RANBP2: variants seen among roughly 807,000 people sequenced by gnomAD.
RANBP2 encodes RAN binding protein 2.
In RANBP2, 57 loss-of-function variants were observed where a neutral mutation model predicts 303.6. That is an observed-to-expected ratio of 0.19 (90% confidence interval 0.15 to 0.23). RANBP2 has a LOEUF of 0.23. Ranked by LOEUF, RANBP2 falls within the 10% of genes least tolerant of loss-of-function variation. RANBP2 has a pLI of 1.00. For synonymous variants in RANBP2, 1,167 were observed against 1,301.5 expected (o/e 0.90, Z 2.23); for missense variants, 3,138 against 3,780.8 (o/e 0.83, Z 4.46).
the RANBP2 span, among the ~76,000 whole-genome samples, chr2:109,074,251 C>A: frequency 6.7e-6 from 1 of 150,212 alleles, no homozygotes; most frequent in South Asian, 2.1e-4. Flanking sequence ...AGCCTGTAAT[C>A]CAGCTACTCG....
intron 26 of RANBP2, among the ~76,000 whole-genome samples, chr2:108,781,666 T>C (rs925082353): frequency 8.5e-5 from 13 of 152,222 alleles, no homozygotes; most frequent in African/African-American, 2.4e-4. Context: ...TTTTTTCTTA[T>C]GTTTCTAGAA....
chr2:108,868,975 A>G, the RANBP2 span, among the ~76,000 whole-genome samples: 1 of 152,184 alleles, frequency 6.6e-6, no homozygotes, highest in African/African-American at 2.4e-5. Context: ...CAGCTGAATT[A>G]ACACAGACTA....
chr2:108,915,627 C>T, the RANBP2 span, among the ~76,000 whole-genome samples: 26 of 152,218 alleles, frequency 1.7e-4, 1 homozygote, highest in South Asian at 3.3e-3. Flanking sequence ...TGCCCAGGCA[C>T]GGTGGCTCAT....
chr2:109,737,347 C>T, the RANBP2 span: 3 of 689,758 alleles, frequency 4.3e-6, no homozygotes, highest in South Asian at 1.6e-5. Context: ...GGTCACCACC[C>T]CTTCGCCAAG....
chr2:108,853,600 T>C, the RANBP2 span, among the ~76,000 whole-genome samples: 3 of 150,624 alleles, frequency 2.0e-5, no homozygotes, highest in African/African-American at 7.3e-5. Context: ...AAGCATAACT[T>C]ACCACAACCT....
the RANBP2 span, among the ~76,000 whole-genome samples, chr2:108,950,288 C>G: frequency 9.8e-6 from 1 of 101,702 alleles, no homozygotes; most frequent in Non-Finnish European, 1.9e-5. Flanking sequence ...TCTTTTTTTT[C>G]TTTTTTTGAC....
At chr2:108,781,780 A>G (rs1395154427) in intron 26 of RANBP2, among the ~76,000 whole-genome samples, 1 of 152,200 alleles carries the variant, frequency 6.6e-6, no homozygotes, top group Non-Finnish European at 1.5e-5. Context: ...GGACAAGAAC[A>G]TTGTTCTAGG....
chr2:108,879,476 A>G, the RANBP2 span, among the ~76,000 whole-genome samples: 1 of 152,228 alleles, frequency 6.6e-6, no homozygotes, highest in East Asian at 1.9e-4. Context: ...AGAAAGAATA[A>G]GATTTAAAAG....
chr2:108,994,201 T>C, the RANBP2 span, among the ~76,000 whole-genome samples: 1 of 152,158 alleles, frequency 6.6e-6, no homozygotes, highest in African/African-American at 2.4e-5. Context: ...CTGTCAATAA[T>C]GACTCTGGTC....
At chr2:109,619,225 A>G in the RANBP2 span, among the ~76,000 whole-genome samples, 1 of 152,182 alleles carries the variant, frequency 6.6e-6, no homozygotes, top group Non-Finnish European at 1.5e-5. Context: ...CTTTCCCACA[A>G]CGTTATCTTT....
the RANBP2 span, among the ~76,000 whole-genome samples, chr2:109,540,344 A>G: frequency 6.6e-6 from 1 of 152,092 alleles, no homozygotes; most frequent in Non-Finnish European, 1.5e-5. Context: ...CCTATCATAC[A>G]CAAGTGGTAT....
the RANBP2 span, among the ~76,000 whole-genome samples, chr2:108,823,251 A>G: frequency 1.3e-5 from 2 of 152,218 alleles, no homozygotes; most frequent in Admixed American, 6.5e-5. Context: ...TATTCTTCGA[A>G]AAAATTGAAA....
At chr2:108,896,189 A>G in the RANBP2 span, 1 of 152,300 alleles carries the variant, frequency 6.6e-6, no homozygotes, top group Non-Finnish European at 1.5e-5. Flanking sequence ...TTGGTTTTGT[A>G]TAGAGTGAGC....
the RANBP2 span, chr2:109,449,088 AGT>A: frequency 6.8e-7 from 1 of 1,478,754 alleles, no homozygotes; most frequent in Non-Finnish European, 9.1e-7. Context: ...AGGGAGCCTG[AGT>A]GTGCATTGCA....
chr2:109,687,348 C>A, the RANBP2 span, among the ~76,000 whole-genome samples: 3 of 152,260 alleles, frequency 2.0e-5, no homozygotes, highest in African/African-American at 7.2e-5. Flanking sequence ...GATTTTTGAG[C>A]ACTTCTTATA....
chr2:109,651,801 G>A, the RANBP2 span, among the ~76,000 whole-genome samples: 1 of 152,278 alleles, frequency 6.6e-6, no homozygotes, highest in East Asian at 1.9e-4. Flanking sequence ...TTTCCCAACG[G>A]CATCCACCGC....
At chr2:109,680,588 G>A in the RANBP2 span, among the ~76,000 whole-genome samples, 1 of 152,156 alleles carries the variant, frequency 6.6e-6, no homozygotes. Context: ...CACTTCCCAT[G>A]TGGGAATAGT....
the RANBP2 span, among the ~76,000 whole-genome samples, chr2:109,111,707 G>A: frequency 5.4e-5 from 8 of 148,798 alleles, no homozygotes; most frequent in East Asian, 5.9e-4. Flanking sequence ...ATGTATACAT[G>A]TGCCATGCTG....
At chr2:109,075,094 T>C in the RANBP2 span, among the ~76,000 whole-genome samples, 2 of 146,654 alleles carry the variant, frequency 1.4e-5, no homozygotes, top group Admixed American at 6.8e-5. Context: ...GCTAATGTCG[T>C]ACCTTAAGGA....
Sources: gnomAD v4.1 joint callset for allele counts (sites outside exome capture counted in the v4.1 genomes callset) on GRCh38, gnomAD v4.1.1 for gene constraint, MANE v1.5 for transcripts, NCBI Gene and HGNC (gene_info 2026-07-23, HGNC 2026-07-21) for gene names.